The following BCKDHA variants were observed in gnomAD, a reference collection of about 807,000 sequenced individuals.
BCKDHA encodes branched chain keto acid dehydrogenase E1 subunit alpha, also known as 2-oxoisovalerate dehydrogenase subunit alpha, mitochondrial.
In BCKDHA, 43 loss-of-function variants were observed where a neutral mutation model predicts 52.2. The ratio of observed to expected loss-of-function variants is 0.82; its 90% CI spans 0.64 to 1.06. The LOEUF (loss-of-function observed/expected upper bound fraction) is 1.06. BCKDHA is among the 50% of genes least tolerant of loss of function. BCKDHA has a pLI of 0.00. For missense variants in BCKDHA, 527 were observed against 621.3 expected (o/e 0.85, Z 1.61); for synonymous variants, 234 against 247.9 (o/e 0.94, Z 0.53).
At chr19:41,424,288 C>T in intron 8 of BCKDHA, 150 bp from the exon 9 acceptor site, 1 of 883,322 alleles carries the variant, frequency 1.1e-6, no homozygotes, top group Non-Finnish European at 1.8e-6. Flanking sequence ...TGAGGGTTTT[C>T]ATTACACTTC....
At chr19:41,408,565 C>G (rs1408171319) in intron 1 of BCKDHA, among the ~76,000 whole-genome samples, 3 of 151,980 alleles carry the variant, frequency 2.0e-5, no homozygotes, top group Non-Finnish European at 4.4e-5. Flanking sequence ...TCAGCCATTC[C>G]TCATCTGACC....
At chr19:41,422,822 G>C in intron 7 of BCKDHA, 52 bp downstream of exon 7, 2 of 1,610,148 alleles carry the variant, frequency 1.2e-6, no homozygotes, top group Non-Finnish European at 1.7e-6. Context: ...AGCCACCGTA[G>C]CATCTTCCTC....
Position 41,422,765 on chromosome 19 carries a change from C to A in BCKDHA, c.990C>A (p.Thr330=), listed in dbSNP as rs1213059681. 6.2e-7 allele frequency: 1 copy of A among 1,613,230 alleles called. No individual in the cohort carries two copies. Among genetic ancestry groups the A allele is most frequent in the Non-Finnish European group, 8.5e-7 (1 of 1,180,016 alleles). Residue 330 remains threonine, a synonymous_variant, in exon 7 of 9, where the codon ACC becomes ACA. Transcript: ENST00000269980. ...AGCCCTTCCTCATCGAGGCCATGAC[C>A]TACAGGTGCCTGCCGCTCCCCCCGT... The part of the protein sequence containing the change: ...ENQPFLIEAM[T]YRIGHHSTSD...
intron 7 of BCKDHA, 98 bp downstream of exon 7, chr19:41,422,868 C>T (rs1324818817): frequency 5.0e-5 from 79 of 1,592,494 alleles, no homozygotes; most frequent in Non-Finnish European, 6.3e-5. Flanking sequence ...GGCCTTATCA[C>T]CTGATGTTGC....
chr19:41,412,380 C>CTTGTTTTTTTTTTTTTTTTTTTTTTTTTT (rs2039263476), intron 3 of BCKDHA, among the ~76,000 whole-genome samples: 1 of 65,864 alleles, frequency 1.5e-5, no homozygotes, highest in Non-Finnish European at 3.1e-5. Flanking sequence ...GTAGATATTT[C>CTTGTTTTTTTTTTTTTTTTTTTTTTTTTT]TTTTTTTTTT....
chr19:41,418,364 C>T (rs1221016277), intron 4 of BCKDHA, among the ~76,000 whole-genome samples: 3 of 152,130 alleles, frequency 2.0e-5, no homozygotes, highest in East Asian at 1.9e-4. Context: ...CTTCTAACTT[C>T]GGAGGAAGGG....
At chr19:41,410,203 TGG>T (rs1302247434) in intron 1 of BCKDHA, among the ~76,000 whole-genome samples, 2 of 152,064 alleles carry the variant, frequency 1.3e-5, no homozygotes, top group Non-Finnish European at 2.9e-5. Flanking sequence ...CATCCTGCAG[TGG>T]GCATGTGTGT....
chr19:41,414,153 G>A lies in BCKDHA; in HGVS notation c.480G>A (p.Glu160=), dbSNP rs1164011666. 1 of 1,613,432 alleles carries A rather than the reference G, an allele frequency of 6.2e-7. No individual in the cohort carries two copies. Among genetic ancestry groups the A allele is most frequent in the South Asian group, 1.1e-5 (1 of 91,088 alleles). ...NTDLVFGQYR[E]AGVLMYRDYP... is the part of the protein sequence containing the mutation. ...ACCTGGTGTTTGGCCAGTACCGGGAGGCAGGTACGTCTGTCCGTGGTTTGG... is the reference window on the plus strand; with the variant it reads ...ACCTGGTGTTTGGCCAGTACCGGGAAGCAGGTACGTCTGTCCGTGGTTTGG... The change falls in exon 4 of 9, where the codon GAG becomes GAA. Residue 160 remains glutamate (E), a synonymous_variant. Coordinates refer to ENST00000269980, the MANE Select transcript of BCKDHA (RefSeq NM_000709.4).
intron 3 of BCKDHA, among the ~76,000 whole-genome samples, 158 bp downstream of exon 3, chr19:41,411,167 G>A (rs934456348): frequency 6.6e-6 from 1 of 152,202 alleles, no homozygotes; most frequent in Non-Finnish European, 1.5e-5. Flanking sequence ...GGAGAAGTGT[G>A]AGAGCAGTCC....
intron 5 of BCKDHA, among the ~76,000 whole-genome samples, chr19:41,420,690 G>C (rs1388713205): frequency 1.3e-5 from 2 of 152,182 alleles, no homozygotes; most frequent in Non-Finnish European, 1.5e-5. Flanking sequence ...CATTGACTGT[G>C]TACCTCCAGA....
chr19:41,424,232 T>C (rs1241492870), intron 8 of BCKDHA, among the ~76,000 whole-genome samples: 1 of 152,234 alleles, frequency 6.6e-6, no homozygotes, highest in Non-Finnish European at 1.5e-5. Flanking sequence ...CTGAAAGCCT[T>C]AAATGATTCC....
intron 5 of BCKDHA, among the ~76,000 whole-genome samples, chr19:41,421,766 G>C (rs995840205): frequency 6.6e-6 from 1 of 152,076 alleles, no homozygotes; most frequent in African/African-American, 2.4e-5. Flanking sequence ...TGGAATCCGC[G>C]GGCTGCCCTG....
chr19:41,419,016 C>T, intron 4 of BCKDHA, 119 bp from the exon 5 acceptor site: 3 of 1,227,630 alleles, frequency 2.4e-6, no homozygotes, highest in Non-Finnish European at 3.6e-6. Context: ...CATCAGTCTT[C>T]CTCTTAAAAC....
intron 5 of BCKDHA, 93 bp from the exon 6 acceptor site, chr19:41,422,071 G>C: frequency 1.5e-6 from 2 of 1,307,442 alleles, no homozygotes; most frequent in Admixed American, 3.9e-5. Context: ...CTGCTGGCCT[G>C]AGCCACGCTT....
intron 3 of BCKDHA, among the ~76,000 whole-genome samples, chr19:41,412,818 C>T (rs1007186043): frequency 6.6e-6 from 1 of 152,172 alleles, no homozygotes; most frequent in Non-Finnish European, 1.5e-5. Flanking sequence ...ATTCTCCTGC[C>T]TTAGCCCCCC....
In BCKDHA at chr19:41,408,458, G is replaced by A. The variant is rs537991900; in HGVS notation, c.109-2179G>A. Among the ~76,000 whole-genome samples the A allele has an allele frequency of 4.5e-4, 68 of 152,182 alleles. 1 individual carries two copies. In the South Asian group the frequency reaches 0.01, roughly 23 times the overall value. On this transcript the variant is annotated intron_variant, in intron 1 of 8. Coordinates refer to ENST00000269980, the MANE Select transcript of BCKDHA (RefSeq NM_000709.4). ...TAAGGGGGAGCTATTGCAACGCCTCGGCTGGTTCTAGGCTGCCTAGCTCCA... is the reference window on the plus strand; with the variant it reads ...TAAGGGGGAGCTATTGCAACGCCTCAGCTGGTTCTAGGCTGCCTAGCTCCA...
At chr19:41,404,035 A>C (rs1034585671) in intron 1 of BCKDHA, among the ~76,000 whole-genome samples, 1 of 152,170 alleles carries the variant, frequency 6.6e-6, no homozygotes, top group Non-Finnish European at 1.5e-5. Flanking sequence ...GCTGGAGTGC[A>C]GTGGTGCGAT....
At chr19:41,412,755 G>A (rs1398530109) in intron 3 of BCKDHA, among the ~76,000 whole-genome samples, 1 of 151,688 alleles carries the variant, frequency 6.6e-6, no homozygotes, top group Non-Finnish European at 1.5e-5. Flanking sequence ...CCAGGCTGGA[G>A]TGCAGTGGCG....
At chr19:41,421,702 A>G (rs2039367352) in intron 5 of BCKDHA, among the ~76,000 whole-genome samples, 1 of 152,124 alleles carries the variant, frequency 6.6e-6, no homozygotes, top group South Asian at 2.1e-4. Context: ...AAAGTGGGAC[A>G]GGAGCCGTGG....
Sources: allele counts gnomAD v4.1 joint callset (sites outside exome capture counted in the v4.1 genomes callset), GRCh38; gene constraint gnomAD v4.1.1; transcripts MANE v1.5; gene names NCBI Gene and HGNC (gene_info 2026-07-23, HGNC 2026-07-21).